ARHGEF10: variants seen among roughly 807,000 people sequenced by gnomAD.
ARHGEF10 encodes Rho guanine nucleotide exchange factor 10, also known as Rho guanine nucleotide exchange factor (GEF) 10.
Under a neutral mutation model 147.4 loss-of-function variants are expected in ARHGEF10, and 140 were observed. The ratio of observed to expected loss-of-function variants is 0.95; its 90% CI spans 0.83 to 1.09. ARHGEF10 has a LOEUF of 1.09. Among genes scored for constraint, ARHGEF10 ranks in the 50% least tolerant of loss-of-function variants. ARHGEF10 has a pLI of 0.00. For missense variants in ARHGEF10, 2,222 were observed against 1,752.7 expected (o/e 1.27, Z -4.78); for synonymous variants, 902 against 695.8 (o/e 1.30, Z -4.67).
At position 1,898,515 on chromosome 8, in the gene ARHGEF10, T is replaced by C; in HGVS notation, c.1640T>C (p.Leu547Pro). ...ATCCAGAGGTTCCCACAGTTCATCC[T>C]CCTGCTCCAGGTAAGTGCTTCACGG... ...KPIQRFPQFI[L>P]LLQDMLKNTS... The change falls in exon 15 of 29, where the codon CTC becomes CCC. Residue 547 changes from leucine to proline, a missense_variant. Transcript: ENST00000349830. The C allele has an allele frequency of 6.2e-7, 1 of 1,614,108 alleles. No individual in the cohort carries two copies. Among genetic ancestry groups the C allele is most frequent in the African/African-American group, 1.3e-5 (1 of 75,050 alleles).
chr8:1,874,243 T>C (rs946542193), intron 7 of ARHGEF10, among the ~76,000 whole-genome samples: 5 of 152,172 alleles, frequency 3.3e-5, no homozygotes, highest in African/African-American at 7.2e-5. Context: ...TTCTAAAACA[T>C]TGAAAACCAC....
intron 2 of ARHGEF10, among the ~76,000 whole-genome samples, chr8:1,856,025 G>A (rs1805524652): frequency 1.3e-5 from 2 of 152,184 alleles, no homozygotes; most frequent in Admixed American, 1.3e-4. Context: ...CTGGAAATTA[G>A]CGGTTCTGTC....
At chr8:1,840,532 TGG>T (rs1261042713) in intron 1 of ARHGEF10, among the ~76,000 whole-genome samples, 27 of 149,246 alleles carry the variant, frequency 1.8e-4, no homozygotes, top group African/African-American at 6.4e-4. Flanking sequence ...CTGTCCGGTG[TGG>T]GGACTGTCCG....
chr8:1,948,138 C>G lies in ARHGEF10; in HGVS notation c.3397+2483C>G, dbSNP rs1353146108. Among the ~76,000 whole-genome samples the G allele has an allele frequency of 6.6e-6, 1 of 152,116 alleles. No individual in the cohort carries two copies. ...TGATGGATCCATCCCAAGCCCACCA[C>G]AAGCCTCTCACTTGGCAGCAGATGC... On this transcript the variant is annotated intron_variant, in intron 27 of 28. Transcript: ENST00000349830. This position sits in a 1 kb window ranked among gnomAD's most constrained non-coding sequence, Gnocchi z 4.9.
At chr8:1,876,995 A>G (rs1807765388) in intron 8 of ARHGEF10, among the ~76,000 whole-genome samples, 1 of 152,260 alleles carries the variant, frequency 6.6e-6, no homozygotes, top group Admixed American at 6.5e-5. Context: ...CTTGAATAAG[A>G]AAGTAGTTAT....
intron 18 of ARHGEF10, among the ~76,000 whole-genome samples, chr8:1,916,447 G>A (rs570805807): frequency 2.6e-5 from 4 of 152,312 alleles, no homozygotes; most frequent in South Asian, 2.1e-4. Context: ...TGATGTTCAC[G>A]TTATAAAATG....
chr8:1,945,634 C>T lies in ARHGEF10; in HGVS notation c.3376C>T (p.Pro1126Ser), dbSNP rs201657174. 1.9e-6 allele frequency: 3 copies of T among 1,614,118 alleles called. No individual in the cohort carries two copies. The highest frequency in any genetic ancestry group is 2.5e-6 in the Non-Finnish European group (3 of 1,180,028). The part of the protein sequence containing the change: ...KHLQDINIAT[P>S]VHNMLPGHQR... Reference sequence around the variant, plus strand: ...CCTGCAGGACATCAACATCGCCACCCCTGTTCACAACATGCTGCCAGGTAA... The same window carrying T: ...CCTGCAGGACATCAACATCGCCACCTCTGTTCACAACATGCTGCCAGGTAA... Residue 1126 changes from proline (P) to serine (S), a missense_variant, in exon 27 of 29, where the codon CCT (proline) becomes TCT (serine). Transcript: ENST00000349830.
intron 5 of ARHGEF10, among the ~76,000 whole-genome samples, chr8:1,865,352 C>A (rs571712203): frequency 6.6e-6 from 1 of 151,858 alleles, no homozygotes; most frequent in East Asian, 2.0e-4. Context: ...CCCCCAGCAC[C>A]CATGAGGCCA....
chr8:1,923,723 C>T (rs1213207485), intron 20 of ARHGEF10, 51 bp from the exon 21 acceptor site: 5 of 1,613,272 alleles, frequency 3.1e-6, no homozygotes, highest in East Asian at 4.5e-5. Flanking sequence ...TTTAACCTCA[C>T]AGGATGGAGC....
rs149362074 is a variant in ARHGEF10 at position 1,957,124 on chromosome 8, A to C, written c.3896A>C (p.Lys1299Thr). 14 of 1,612,980 alleles carry C rather than the reference A, an allele frequency of 8.7e-6. No homozygotes were observed. The African/African-American group carries it at 1.7e-4, about 20-fold the overall frequency. The change falls in exon 29 of 29, where the codon AAG becomes ACG. Residue 1299 changes from lysine (K) to threonine (T), a missense_variant. Transcript: ENST00000349830. ...VSLRSKARRA[K>T]KAKASSALVV... ...CTGAGAAGCAAAGCACGCCGGGCCA[A>C]GAAAGCCAAGGCCAGCTCGGCGCTG...
In ARHGEF10 at chr8:1,948,143, C is replaced by T. The variant is rs1814745047; in HGVS notation, c.3397+2488C>T. Reference sequence around the variant, plus strand: ...GATCCATCCCAAGCCCACCACAAGCCTCTCACTTGGCAGCAGATGCATGGG... The same window carrying T: ...GATCCATCCCAAGCCCACCACAAGCTTCTCACTTGGCAGCAGATGCATGGG... On this transcript the variant is annotated intron_variant, in intron 27 of 28. Coordinates refer to ENST00000349830, the MANE Select transcript of ARHGEF10 (RefSeq NM_014629.4). The surrounding 1 kb of genome is among the most constrained non-coding windows in gnomAD (Gnocchi z 4.9). Among the ~76,000 whole-genome samples the T allele has an allele frequency of 6.6e-6, 1 of 152,108 alleles. No individual in the cohort carries two copies. The highest frequency in any genetic ancestry group is 1.5e-5 in the Non-Finnish European group (1 of 68,024).
At chr8:1,945,748 AGT>A in intron 27 of ARHGEF10, 93 bp downstream of exon 27, 2 of 1,520,676 alleles carry the variant, frequency 1.3e-6, no homozygotes, top group Non-Finnish European at 1.8e-6. Flanking sequence ...AGCGCTTCCC[AGT>A]GCAGGACACT....
intron 21 of ARHGEF10, among the ~76,000 whole-genome samples, chr8:1,924,415 G>C (rs1026718961): frequency 6.6e-6 from 1 of 152,222 alleles, no homozygotes; most frequent in Non-Finnish European, 1.5e-5. Context: ...CTGTGTGTGT[G>C]TGTAATGTAC....
chr8:1,870,798 A>G (rs945131003), intron 7 of ARHGEF10: 2 of 152,202 alleles, frequency 1.3e-5, no homozygotes, highest in African/African-American at 2.4e-5. Context: ...TGTCTCTGCT[A>G]TTGACAGATC....
At chr8:1,927,796 C>G (rs1812800254) in intron 23 of ARHGEF10, among the ~76,000 whole-genome samples, 1 of 152,108 alleles carries the variant, frequency 6.6e-6, no homozygotes, top group African/African-American at 2.4e-5. Context: ...CAAAAATTAG[C>G]CGGATGTGGT....
At chr8:1,879,327 A>G (rs1807977375) in intron 8 of ARHGEF10, among the ~76,000 whole-genome samples, 1 of 152,208 alleles carries the variant, frequency 6.6e-6, no homozygotes, top group East Asian at 1.9e-4. Flanking sequence ...TGTCACTTTC[A>G]GTATAGTTTA....
chr8:1,894,352 A>G (rs1809795437), intron 12 of ARHGEF10, 41 bp from the exon 13 acceptor site: 1 of 1,612,186 alleles, frequency 6.2e-7, no homozygotes, highest in Non-Finnish European at 8.5e-7. Flanking sequence ...CCAGGCTCTG[A>G]AAAAGAAAAG....
At position 1,933,829 on chromosome 8, in the gene ARHGEF10, G is replaced by T. The variant is rs773652674; in HGVS notation, c.3109G>T (p.Val1037Leu). The change falls in exon 26 of 29, where the codon GTG becomes TTG. Residue 1037 changes from valine to leucine, a missense_variant. By Grantham distance (32) the Val-to-Leu change is conservative. Coordinates refer to ENST00000349830, the MANE Select transcript of ARHGEF10 (RefSeq NM_014629.4). ...DGSWDSEPQK[V>L]IKLGVLPVRS... ...ATCCTGGGATTCAGAACCTCAAAAA[G>T]TGATCAAGTTAGGCGTCCTACCAGT... 6.8e-6 allele frequency: 11 copies of T among 1,614,066 alleles called. No homozygotes were observed. Among genetic ancestry groups the T allele is most frequent in the Non-Finnish European group, 9.3e-6 (11 of 1,180,030 alleles).
chr8:1,906,067 T>C (rs1302845515), intron 17 of ARHGEF10, among the ~76,000 whole-genome samples: 1 of 152,238 alleles, frequency 6.6e-6, no homozygotes, highest in Non-Finnish European at 1.5e-5. Context: ...TATAAATATA[T>C]TTTTGATAAA....
Sources: gnomAD v4.1 joint callset for allele counts (sites outside exome capture counted in the v4.1 genomes callset) on GRCh38, gnomAD v4.1.1 for gene constraint, Gnocchi (gnomAD v3.1) non-coding constraint, MANE v1.5 for transcripts, NCBI Gene and HGNC (gene_info 2026-07-23, HGNC 2026-07-21) for gene names.